Variants in SEMA3C observed in about 807,000 individuals in gnomAD.
The protein encoded by SEMA3C is semaphorin-3C.
SEMA3C carries 47 observed loss-of-function variants against 89.4 expected under a neutral mutation model. That is an observed-to-expected ratio of 0.53 (90% CI 0.42 to 0.67). SEMA3C has a LOEUF of 0.67. Among genes scored for constraint, SEMA3C ranks in the 30% least tolerant of loss-of-function variants. SEMA3C has a pLI of 0.00. For missense variants in SEMA3C, 839 were observed against 929.1 expected (o/e 0.90, Z 1.26); for synonymous variants, 310 against 320.2 (o/e 0.97, Z 0.34).
intron 3 of SEMA3C, among the ~76,000 whole-genome samples, chr7:80,828,319 C>A (rs1456673249): frequency 6.6e-6 from 1 of 151,996 alleles, no homozygotes; most frequent in African/African-American, 2.4e-5. Context: ...ACCCTATAAT[C>A]CCTTTTTTCT....
chr7:80,779,885 T>C (rs1247783160), intron 12 of SEMA3C, among the ~76,000 whole-genome samples: 1 of 152,182 alleles, frequency 6.6e-6, no homozygotes, highest in African/African-American at 2.4e-5. Context: ...AAAGAGCCAA[T>C]GAGGAGATCT....
chr7:80,869,033 A>G (rs563063368), intron 2 of SEMA3C, among the ~76,000 whole-genome samples: 15 of 152,232 alleles, frequency 9.9e-5, no homozygotes, highest in Non-Finnish European at 2.1e-4. Context: ...TTAAGAGCAT[A>G]ATATGCCTTA....
At chr7:80,753,225 T>C (rs767426335) in intron 15 of SEMA3C, among the ~76,000 whole-genome samples, 6 of 152,282 alleles carry the variant, frequency 3.9e-5, no homozygotes, top group Non-Finnish European at 5.9e-5. Context: ...TCTCAGGAAA[T>C]ATGATTAATA....
upstream of SEMA3C, among the ~76,000 whole-genome samples, chr7:80,921,802 G>A (rs141469793): frequency 9.0e-4 from 137 of 152,136 alleles, 1 homozygote; most frequent in African/African-American, 3.1e-3. Flanking sequence ...GGTGTAGTGG[G>A]CATATTTTTA....
chr7:80,867,084 T>C (rs1193301995), intron 2 of SEMA3C, among the ~76,000 whole-genome samples: 1 of 152,178 alleles, frequency 6.6e-6, no homozygotes, highest in African/African-American at 2.4e-5. Flanking sequence ...TGTTTAAATA[T>C]ACAAAATACA....
intron 2 of SEMA3C, among the ~76,000 whole-genome samples, chr7:80,913,217 G>A (rs1197251921): frequency 2.6e-5 from 4 of 151,996 alleles, no homozygotes; most frequent in African/African-American, 7.3e-5. Flanking sequence ...CCGGGCCAAC[G>A]TGGTGAAACC....
chr7:80,762,044 G>A (rs1172751497), intron 13 of SEMA3C, among the ~76,000 whole-genome samples: 3 of 139,294 alleles, frequency 2.2e-5, no homozygotes, highest in Non-Finnish European at 4.5e-5. Context: ...AGCCGAGATT[G>A]CACCATTGCA....
chr7:80,850,668 T>C (rs1396466471), intron 2 of SEMA3C, among the ~76,000 whole-genome samples: 1 of 152,220 alleles, frequency 6.6e-6, no homozygotes, highest in African/African-American at 2.4e-5. Flanking sequence ...GCCTGCACGG[T>C]AGTTAGACAA....
chr7:80,812,961 ATTTTTTTTTTTT>A (rs1215661147), intron 5 of SEMA3C, among the ~76,000 whole-genome samples: 1 of 92,506 alleles, frequency 1.1e-5, no homozygotes, highest in African/African-American at 4.3e-5. Context: ...TATTTTTTGT[ATTTTTTTTTTTT>A]TTTTTTTTTT....
chr7:80,829,364 T>C (rs1789957051), intron 2 of SEMA3C, among the ~76,000 whole-genome samples: 1 of 152,050 alleles, frequency 6.6e-6, no homozygotes, highest in South Asian at 2.1e-4. Flanking sequence ...CCAAAAAAAA[T>C]ACAGTGAGCA....
At chr7:80,920,419 T>C (rs1348077265), upstream of SEMA3C, among the ~76,000 whole-genome samples, 2 of 152,120 alleles carry the variant, frequency 1.3e-5, no homozygotes, top group African/African-American at 4.8e-5. Flanking sequence ...ATAAACTGTA[T>C]CATAGAAAAC....
intron 12 of SEMA3C, among the ~76,000 whole-genome samples, chr7:80,775,446 C>A (rs1014964969): frequency 6.6e-6 from 1 of 151,980 alleles, no homozygotes; most frequent in Non-Finnish European, 1.5e-5. Context: ...CCAAACAGAC[C>A]TATATGTGAT....
chr7:80,859,271 A>G (rs1206067994), intron 2 of SEMA3C, among the ~76,000 whole-genome samples: 1 of 152,132 alleles, frequency 6.6e-6, no homozygotes. Context: ...ACATATTTAT[A>G]TAACTTTTTG....
At chr7:80,814,442 A>T (rs887218828) in intron 5 of SEMA3C, among the ~76,000 whole-genome samples, 1 of 152,108 alleles carries the variant, frequency 6.6e-6, no homozygotes, top group African/African-American at 2.4e-5. Context: ...ATTGGCCATT[A>T]AAGTTAGGAG....
chr7:80,849,761 G>C (rs532856154), intron 2 of SEMA3C, among the ~76,000 whole-genome samples: 5 of 151,958 alleles, frequency 3.3e-5, no homozygotes, highest in African/African-American at 1.2e-4. Context: ...TCTTAAATAG[G>C]GCAAAGAAGT....
At chr7:80,884,107 C>T (rs1791416755) in intron 2 of SEMA3C, among the ~76,000 whole-genome samples, 1 of 152,126 alleles carries the variant, frequency 6.6e-6, no homozygotes, top group African/African-American at 2.4e-5. Context: ...TATTAATAAG[C>T]TCATTTTCAT....
chr7:80,851,644 T>G lies in SEMA3C; in HGVS notation c.104-22899A>C, dbSNP rs907971738. ...ACTATGGTTTCAAAGGAGCAAGACC[T>G]AACTGAGTGCCAGAATCAGCTGAGA... is the stretch of plus-strand genomic sequence containing the variant. On this transcript the variant is annotated intron_variant, in intron 2 of 17. Transcript: ENST00000265361. Among the ~76,000 whole-genome samples, 3 of 149,366 alleles carry G rather than the reference T, an allele frequency of 2.0e-5. No individual in the cohort carries two copies. The Admixed American group carries it at 2.0e-4, about 10-fold the overall frequency.
intron 2 of SEMA3C, among the ~76,000 whole-genome samples, chr7:80,890,964 A>G (rs1791597283): frequency 6.6e-6 from 1 of 152,128 alleles, no homozygotes; most frequent in Non-Finnish European, 1.5e-5. Flanking sequence ...GATTTAATGA[A>G]TATTGGTTCA....
At chr7:80,886,425 C>T (rs568916184) in intron 2 of SEMA3C, among the ~76,000 whole-genome samples, 29 of 151,306 alleles carry the variant, frequency 1.9e-4, no homozygotes, top group Non-Finnish European at 3.8e-4. Flanking sequence ...GTGATCTCAG[C>T]TCACTGCAAC....
Sources: allele counts gnomAD v4.1 joint callset (sites outside exome capture counted in the v4.1 genomes callset), GRCh38; gene constraint gnomAD v4.1.1; transcripts MANE v1.5; gene names NCBI Gene and HGNC (gene_info 2026-07-23, HGNC 2026-07-21).